TMEM238L: variants seen among roughly 807,000 people sequenced by gnomAD.
TMEM238L encodes transmembrane protein 238-like.
intron 1 of TMEM238L, among the ~76,000 whole-genome samples, chr17:10,797,008 T>A (rs11078864): frequency 6.6e-6 from 1 of 152,022 alleles, no homozygotes; most frequent in Non-Finnish European, 1.5e-5. Flanking sequence ...AACGAGCCAG[T>A]CTGTGTTCCA....
intron 1 of TMEM238L, among the ~76,000 whole-genome samples, chr17:10,803,069 G>A (rs140923045): frequency 2.0e-5 from 3 of 152,020 alleles, no homozygotes; most frequent in Admixed American, 6.5e-5. Context: ...TCCCTACCCC[G>A]CTTCTTGTAT....
chr17:10,803,795 G>A (rs1390613453), exon 1 of TMEM238L: 1 of 399,510 alleles, frequency 2.5e-6, no homozygotes, highest in Non-Finnish European at 4.4e-6. Context: ...AGTAGGCTGA[G>A]AGCCAGGATC....
At chr17:10,799,800 T>C (rs548941571) in intron 1 of TMEM238L, among the ~76,000 whole-genome samples, 1 of 152,358 alleles carries the variant, frequency 6.6e-6, no homozygotes, top group South Asian at 2.1e-4. Flanking sequence ...TCCACTGTTC[T>C]GGGTGAAATG....
chr17:10,796,077 T>C (rs1196635662), intron 1 of TMEM238L, 129 bp from the exon 2 acceptor site: 2 of 152,264 alleles, frequency 1.3e-5, no homozygotes, highest in African/African-American at 4.8e-5. Flanking sequence ...TAGAGCAGCC[T>C]CTCCATGGCA....
At chr17:10,803,394 C>T (rs1237487267) in intron 1 of TMEM238L, among the ~76,000 whole-genome samples, 14 of 152,176 alleles carry the variant, frequency 9.2e-5, no homozygotes, top group Admixed American at 9.2e-4. Context: ...CTCTTTCCAG[C>T]CTCTGCGAGG....
intron 1 of TMEM238L, among the ~76,000 whole-genome samples, chr17:10,803,189 G>C (rs368272702): frequency 7.9e-5 from 12 of 152,136 alleles, no homozygotes; most frequent in Admixed American, 3.9e-4. Flanking sequence ...GTATGCAAGG[G>C]CACAAGAGTC....
intron 1 of TMEM238L, among the ~76,000 whole-genome samples, chr17:10,800,726 G>A (rs574995693): frequency 2.0e-5 from 3 of 152,272 alleles, no homozygotes; most frequent in South Asian, 2.1e-4. Context: ...AATGGGGCAC[G>A]GAGAGGTGAA....
intron 1 of TMEM238L, among the ~76,000 whole-genome samples, chr17:10,801,025 A>T (rs370480509): frequency 6.6e-6 from 1 of 151,276 alleles, no homozygotes; most frequent in South Asian, 2.1e-4. Flanking sequence ...GCCTCTGCTT[A>T]TATCTCTTCA....
rs112098492 is a variant in TMEM238L at position 10,796,280 on chromosome 17, C to T, written c.*119-332G>A. Among the ~76,000 whole-genome samples the T allele has an allele frequency of 2.1e-3, 313 of 152,308 alleles. 1 individual carries two copies. Among genetic ancestry groups the T allele is most frequent in the African/African-American group, 6.1e-3 (255 of 41,554 alleles). Reference sequence around the variant, plus strand: ...CCTTACCCTTCCTTGCAGGCAAAGCCGATGCCTACCTCTCTCTGCTCTCTG... The same window carrying T: ...CCTTACCCTTCCTTGCAGGCAAAGCTGATGCCTACCTCTCTCTGCTCTCTG... On this transcript the variant is annotated intron_variant, in intron 1 of 1. Transcript: ENST00000581851.
chr17:10,800,258 G>A (rs1400092646), intron 1 of TMEM238L, among the ~76,000 whole-genome samples: 3 of 152,164 alleles, frequency 2.0e-5, no homozygotes, highest in South Asian at 4.2e-4. Flanking sequence ...ACTCTAAAGG[G>A]AAGTAAAATG....
At position 10,796,825 on chromosome 17, in the gene TMEM238L, G is replaced by A. The variant is rs1382103047; in HGVS notation, c.*119-877C>T. ...TTCCCCACATGCAGGCATGGATCAAGGTTCTGACTTGGCTCCTATAGGAAA... is the reference window on the plus strand; with the variant it reads ...TTCCCCACATGCAGGCATGGATCAAAGTTCTGACTTGGCTCCTATAGGAAA... On this transcript the variant is annotated intron_variant, in intron 1 of 1. Transcript: ENST00000581851. 2.0e-5 allele frequency among the ~76,000 whole-genome samples: 3 copies of A among 152,300 alleles called. No homozygotes were observed. The South Asian group carries it at 6.2e-4, about 32-fold the overall frequency.
intron 1 of TMEM238L, among the ~76,000 whole-genome samples, chr17:10,798,410 A>C (rs773005789): frequency 7.2e-5 from 11 of 152,216 alleles, no homozygotes; most frequent in Admixed American, 1.3e-4. Flanking sequence ...CATGGGGCAC[A>C]GATTCATTGA....
At chr17:10,796,483 C>T (rs1442850262) in intron 1 of TMEM238L, among the ~76,000 whole-genome samples, 1 of 152,238 alleles carries the variant, frequency 6.6e-6, no homozygotes, top group Non-Finnish European at 1.5e-5. Flanking sequence ...GGTGACTGCC[C>T]TACCCTCTTA....
chr17:10,801,677 G>A (rs913874929), intron 1 of TMEM238L, among the ~76,000 whole-genome samples: 1 of 152,260 alleles, frequency 6.6e-6, no homozygotes, highest in African/African-American at 2.4e-5. Flanking sequence ...TCCTAGAGCA[G>A]ACCTGACTTT....
At chr17:10,803,968 C>T (rs1550656) in exon 1 of TMEM238L, 317,915 of 399,058 alleles carry the variant, frequency 0.8, 128,313 homozygotes, top group Non-Finnish European at 0.84. Context: ...GAGCATTGCC[C>T]AGGAGGAGCG....
At chr17:10,800,005 C>T (rs1381700927) in intron 1 of TMEM238L, among the ~76,000 whole-genome samples, 2 of 151,612 alleles carry the variant, frequency 1.3e-5, no homozygotes, top group African/African-American at 2.4e-5. Context: ...GATCTCGGCT[C>T]ACTGCAAGCT....
intron 1 of TMEM238L, among the ~76,000 whole-genome samples, chr17:10,801,330 AC>A (rs1037536001): frequency 2.0e-5 from 3 of 151,966 alleles, no homozygotes; most frequent in Admixed American, 6.6e-5. Flanking sequence ...GAGCCACAGC[AC>A]CCAGCCCTCA....
At chr17:10,795,332 G>A (rs751467159) in exon 2 of TMEM238L, 1 of 152,264 alleles carries the variant, frequency 6.6e-6, no homozygotes, top group Non-Finnish European at 1.5e-5. Context: ...GCAAAGGAGT[G>A]GGGCTCCATT....
At chr17:10,798,566 T>C (rs1838646863) in intron 1 of TMEM238L, among the ~76,000 whole-genome samples, 1 of 152,200 alleles carries the variant, frequency 6.6e-6, no homozygotes, top group African/African-American at 2.4e-5. Flanking sequence ...CTCAAGGCTG[T>C]TAGCCTTTTG....
Sources: gnomAD v4.1 joint callset for allele counts (sites outside exome capture counted in the v4.1 genomes callset) on GRCh38, gnomAD v4.1.1 for gene constraint, MANE v1.5 for transcripts, NCBI Gene and HGNC (gene_info 2026-07-23, HGNC 2026-07-21) for gene names.